The following COL23A1 variants were observed in gnomAD, a reference collection of about 807,000 sequenced individuals.
The protein encoded by COL23A1 is collagen type XXIII alpha 1 chain.
In COL23A1, 97 loss-of-function variants were observed where a neutral mutation model predicts 99.3. That is an observed-to-expected ratio of 0.98 (90% confidence interval 0.83 to 1.16). The LOEUF (loss-of-function observed/expected upper bound fraction) is 1.16. Ranked by LOEUF, COL23A1 falls within the 50% of genes most tolerant of loss-of-function variation. The pLI is 0.00. For synonymous variants in COL23A1, 320 were observed against 308.2 expected (o/e 1.04, Z -0.40); for missense variants, 762 against 757.4 (o/e 1.01, Z -0.07).
At chr5:178,296,014 T>C (rs1050612532) in intron 3 of COL23A1, among the ~76,000 whole-genome samples, 2 of 152,238 alleles carry the variant, frequency 1.3e-5, no homozygotes, top group Non-Finnish European at 2.9e-5. Flanking sequence ...CCTCTCACCC[T>C]GGGCTCTTTC....
intron 5 of COL23A1, among the ~76,000 whole-genome samples, chr5:178,285,833 C>A (rs199678968): frequency 6.6e-6 from 1 of 152,252 alleles, no homozygotes; most frequent in East Asian, 1.9e-4. Context: ...CCGGGCAGAG[C>A]CCTCCTGTCC....
Position 178,255,496 on chromosome 5 carries a change from C to T in COL23A1, c.883-470G>A, listed in dbSNP as rs987819111. Reference sequence around the variant, plus strand: ...CCGCCTGGTTACAGGTGCATGTCAGCATGCCCATGTCCATATGCTGCACAC... The same window carrying T: ...CCGCCTGGTTACAGGTGCATGTCAGTATGCCCATGTCCATATGCTGCACAC... On this transcript the variant is annotated intron_variant, in intron 15 of 28. Coordinates refer to ENST00000390654, the MANE Select transcript of COL23A1 (RefSeq NM_173465.4). The surrounding 1 kb of genome is among the most constrained non-coding windows in gnomAD (Gnocchi z 4.2). Among the ~76,000 whole-genome samples, 3 of 152,148 alleles carry T rather than the reference C, an allele frequency of 2.0e-5. No homozygotes were observed. Among genetic ancestry groups the T allele is most frequent in the African/African-American group, 7.2e-5 (3 of 41,428 alleles).
At chr5:178,583,383 T>C (rs1359049988) in intron 1 of COL23A1, among the ~76,000 whole-genome samples, 3 of 152,210 alleles carry the variant, frequency 2.0e-5, no homozygotes, top group South Asian at 2.1e-4. Context: ...GCCGGCCTCA[T>C]GTCCTCTCCC....
chr5:178,359,152 C>G (rs1762041261), intron 2 of COL23A1, among the ~76,000 whole-genome samples: 1 of 152,196 alleles, frequency 6.6e-6, no homozygotes, highest in South Asian at 2.1e-4. Context: ...TCATGCAACC[C>G]TGGGCAAGTC....
At chr5:178,459,956 A>G (rs1756026774) in intron 2 of COL23A1, among the ~76,000 whole-genome samples, 1 of 152,220 alleles carries the variant, frequency 6.6e-6, no homozygotes, top group South Asian at 2.1e-4. Flanking sequence ...TACGATGTTA[A>G]TAACAACTGT....
chr5:178,401,228 C>A (rs905328486), intron 2 of COL23A1, among the ~76,000 whole-genome samples: 1 of 152,238 alleles, frequency 6.6e-6, no homozygotes, highest in African/African-American at 2.4e-5. Flanking sequence ...ATGGATGGAT[C>A]ACAGTTGGTT....
chr5:178,426,163 T>A (rs1765923875), intron 2 of COL23A1, among the ~76,000 whole-genome samples: 1 of 152,200 alleles, frequency 6.6e-6, no homozygotes, highest in Admixed American at 6.5e-5. Flanking sequence ...AATTATTTCA[T>A]AAACAAAGAT....
At chr5:178,323,589 T>G (rs1759468596) in intron 2 of COL23A1, among the ~76,000 whole-genome samples, 1 of 152,128 alleles carries the variant, frequency 6.6e-6, no homozygotes. Context: ...GAGCCCCTGC[T>G]GGGAGTGGCA....
chr5:178,378,084 C>G (rs998510070), intron 2 of COL23A1: 1 of 152,302 alleles, frequency 6.6e-6, no homozygotes, highest in African/African-American at 2.4e-5. Context: ...AGGGGACCAC[C>G]AGGTTGCCGA....
Position 178,246,002 on chromosome 5 carries a change from G to C in COL23A1, c.1414-34C>G, listed in dbSNP as rs199723343. ...AGACACAGAGTGGGTGAGAGGGGTT[G>C]GGGAGGGGTGCTGGGAGCACAGCTG... is the stretch of plus-strand genomic sequence containing the variant. On this transcript the variant is annotated intron_variant, in intron 24 of 28. Coordinates refer to ENST00000390654, the MANE Select transcript of COL23A1 (RefSeq NM_173465.4). The C allele has an allele frequency of 3.1e-4, 508 of 1,613,276 alleles. 5 individuals carry two copies. The African/African-American group carries it at 6.1e-3, about 19-fold the overall frequency.
At chr5:178,435,138 C>G (rs1357026386) in intron 2 of COL23A1, among the ~76,000 whole-genome samples, 1 of 152,240 alleles carries the variant, frequency 6.6e-6, no homozygotes, top group Non-Finnish European at 1.5e-5. Context: ...AGTGAAATTT[C>G]TGTGACAGCT....
rs147855788 is a variant in COL23A1, at chr5:178,489,482, T to C, written c.361+71200A>G. On this transcript the variant is annotated intron_variant, in intron 2 of 28. Transcript: ENST00000390654. ...TCATGGGACTTTGCCTTCGCAACCA[T>C]GTGAGTCAATTCTTCCCAATAAATT... 1.6e-4 allele frequency among the ~76,000 whole-genome samples: 24 copies of C among 152,350 alleles called. 2 individuals carry two copies. In the East Asian group the frequency reaches 4.2e-3, roughly 27 times the overall value.
intron 5 of COL23A1, among the ~76,000 whole-genome samples, chr5:178,277,187 G>T (rs1756633638): frequency 7.1e-6 from 1 of 141,748 alleles, no homozygotes; most frequent in South Asian, 2.2e-4. Flanking sequence ...GCAACATAGT[G>T]AGACCTCATC....
At chr5:178,509,507 C>T (rs1759080906) in intron 2 of COL23A1, among the ~76,000 whole-genome samples, 1 of 152,152 alleles carries the variant, frequency 6.6e-6, no homozygotes, top group Non-Finnish European at 1.5e-5. Flanking sequence ...AGGCGTGAGC[C>T]ACCGTGCCCG....
intron 10 of COL23A1, 62 bp from the exon 11 acceptor site, chr5:178,261,810 T>A (rs1419198607): frequency 2.2e-6 from 3 of 1,361,102 alleles, no homozygotes; most frequent in Admixed American, 1.7e-5. Flanking sequence ...GGCCTGTCCT[T>A]CTTAGCATCC....
At chr5:178,357,858 T>C (rs1761783918) in intron 2 of COL23A1, among the ~76,000 whole-genome samples, 1 of 148,018 alleles carries the variant, frequency 6.8e-6, no homozygotes, top group African/African-American at 2.4e-5. Flanking sequence ...AATGTGTATG[T>C]GTATGTATAT....
intron 2 of COL23A1, among the ~76,000 whole-genome samples, chr5:178,542,782 C>T (rs760771000): frequency 7.0e-4 from 107 of 152,210 alleles, no homozygotes; most frequent in Non-Finnish European, 7.6e-4. Context: ...TGAACAGTCT[C>T]TGAGTAAGAA....
chr5:178,358,741 CTGTGTGTGTATCTGTG>C (rs1561899208), intron 2 of COL23A1, among the ~76,000 whole-genome samples: 32 of 87,584 alleles, frequency 3.7e-4, no homozygotes, highest in Non-Finnish European at 6.8e-4. Context: ...GTATGTGTAT[CTGTGTGTGTATCTGTG>C]TGTGTGTATG....
At chr5:178,512,804 C>T (rs1474455016) in intron 2 of COL23A1, among the ~76,000 whole-genome samples, 6 of 152,194 alleles carry the variant, frequency 3.9e-5, no homozygotes, top group Non-Finnish European at 8.8e-5. Context: ...CACTGAGTAC[C>T]CGTGACCCAA....
Sources: allele counts gnomAD v4.1 joint callset (sites outside exome capture counted in the v4.1 genomes callset), GRCh38; gene constraint gnomAD v4.1.1; non-coding constraint Gnocchi (gnomAD v3.1); transcripts MANE v1.5; gene names NCBI Gene and HGNC (gene_info 2026-07-23, HGNC 2026-07-21).